Variants in C16orf74 observed in about 807,000 individuals in gnomAD.
C16orf74 encodes the protein calcimembrin.
Under a neutral mutation model 6.5 loss-of-function variants are expected in C16orf74, and 10 were observed. That is an observed-to-expected ratio of 1.54 (90% confidence interval 0.95 to 2.61). The LOEUF is 2.61. Ranked by LOEUF, C16orf74 falls within the 30% of genes most tolerant of loss-of-function variation. The pLI, the probability that C16orf74 is intolerant of heterozygous loss-of-function variation, is 0.00. For missense variants in C16orf74, 141 were observed against 105.9 expected, an observed-to-expected ratio of 1.33 and a Z score of -1.45; for synonymous variants, 60 against 42.5, an observed-to-expected ratio of 1.41 and a Z score of -1.60.
chr16:85,724,277 T>C (rs1173792713), intron 2 of C16orf74, among the ~76,000 whole-genome samples: 1 of 152,122 alleles, frequency 6.6e-6, no homozygotes, highest in African/African-American at 2.4e-5. Context: ...CATCCCTCTG[T>C]CTCCCTGGAG....
chr16:85,750,182 C>T (rs1274202034), intron 1 of C16orf74, among the ~76,000 whole-genome samples: 1 of 152,204 alleles, frequency 6.6e-6, no homozygotes, highest in Non-Finnish European at 1.5e-5. Context: ...TCGCAGCCTT[C>T]CCTTCCTCCC....
chr16:85,738,302 G>T (rs1453026880), intron 1 of C16orf74, among the ~76,000 whole-genome samples: 1 of 150,668 alleles, frequency 6.6e-6, no homozygotes, highest in Non-Finnish European at 1.5e-5. Context: ...GGGGCAATTG[G>T]TCTGGTGTGT....
At chr16:85,744,692 T>C (rs1171915363) in intron 1 of C16orf74, among the ~76,000 whole-genome samples, 2 of 151,702 alleles carry the variant, frequency 1.3e-5, no homozygotes, top group East Asian at 3.9e-4. Flanking sequence ...TAGTCAGGCA[T>C]GGTGGCAGGC....
intron 2 of C16orf74, among the ~76,000 whole-genome samples, chr16:85,730,730 G>C (rs139834051): frequency 3.1e-4 from 45 of 146,138 alleles, no homozygotes; most frequent in Middle Eastern, 3.7e-3. Context: ...CCCAAGACCA[G>C]CCAAGTAAAG....
At chr16:85,737,190 G>C (rs765310103) in intron 1 of C16orf74, among the ~76,000 whole-genome samples, 9 of 152,194 alleles carry the variant, frequency 5.9e-5, no homozygotes, top group Non-Finnish European at 1.3e-4. Flanking sequence ...GACAGAGAGG[G>C]AGGGAAAGGA....
chr16:85,720,818 C>A (rs547764168), intron 2 of C16orf74, among the ~76,000 whole-genome samples: 2 of 148,996 alleles, frequency 1.3e-5, no homozygotes, highest in Non-Finnish European at 3.0e-5. Flanking sequence ...CTGGGCGTGG[C>A]GGCTCATGCT....
At chr16:85,719,950 G>GC (rs148816095) in intron 2 of C16orf74, among the ~76,000 whole-genome samples, 3,798 of 151,400 alleles carry the variant, frequency 0.025, 183 homozygotes, top group African/African-American at 0.088. Flanking sequence ...GCTGAGCGGG[G>GC]TGACACTAAT....
intron 2 of C16orf74, among the ~76,000 whole-genome samples, chr16:85,726,239 G>A (rs929810692): frequency 2.0e-5 from 3 of 152,048 alleles, no homozygotes; most frequent in Non-Finnish European, 2.9e-5. Context: ...CCACATTTCC[G>A]TCTCTCCCCC....
chr16:85,740,888 C>A (rs2054299376), intron 1 of C16orf74, among the ~76,000 whole-genome samples: 1 of 149,316 alleles, frequency 6.7e-6, no homozygotes, highest in East Asian at 2.0e-4. Flanking sequence ...CAAGAGTCAT[C>A]ATTTCCGTAA....
chr16:85,730,931 G>C (rs1368628076), intron 2 of C16orf74, among the ~76,000 whole-genome samples: 1 of 150,272 alleles, frequency 6.7e-6, no homozygotes, highest in African/African-American at 2.5e-5. Flanking sequence ...CAGTGAACTG[G>C]ACCCCACTCA....
At chr16:85,715,259 C>T (rs1288769848) in intron 2 of C16orf74, among the ~76,000 whole-genome samples, 4 of 152,010 alleles carry the variant, frequency 2.6e-5, no homozygotes, top group Admixed American at 2.0e-4. Context: ...GGCGCCCCTA[C>T]CCCAAACAAC....
At chr16:85,724,443 C>T (rs890042076) in intron 2 of C16orf74, among the ~76,000 whole-genome samples, 8 of 152,150 alleles carry the variant, frequency 5.3e-5, no homozygotes, top group African/African-American at 1.4e-4. Context: ...GGATCCAGCT[C>T]GGCCATACTC....
chr16:85,723,374 C>T (rs2362465), intron 2 of C16orf74, among the ~76,000 whole-genome samples: 45,561 of 151,318 alleles, frequency 0.3, 8,220 homozygotes, highest in East Asian at 0.68. Flanking sequence ...TGAAGCCAGC[C>T]TGGGCAACAT....
intron 2 of C16orf74, among the ~76,000 whole-genome samples, chr16:85,713,589 A>G (rs1475523019): frequency 6.6e-6 from 1 of 152,162 alleles, no homozygotes. Context: ...TCCCCTTTTG[A>G]TAAGGACACC....
intron 2 of C16orf74, among the ~76,000 whole-genome samples, chr16:85,730,772 G>T (rs528189984): frequency 6.6e-6 from 1 of 150,432 alleles, no homozygotes; most frequent in African/African-American, 2.4e-5. Context: ...TCCCAGACCA[G>T]ACAACTTAAA....
At chr16:85,721,773 CCCCATGTGGT>C (rs1272770911) in intron 2 of C16orf74, among the ~76,000 whole-genome samples, 1 of 152,142 alleles carries the variant, frequency 6.6e-6, no homozygotes, top group Non-Finnish European at 1.5e-5. Flanking sequence ...CTTCCTCTGT[CCCCATGTGGT>C]CCCAGTGCCT....
chr16:85,721,560 G>A (rs545264245), intron 2 of C16orf74, among the ~76,000 whole-genome samples: 8 of 152,278 alleles, frequency 5.3e-5, no homozygotes, highest in African/African-American at 1.9e-4. Context: ...CTACTTGACA[G>A]TATTCCTTAT....
chr16:85,730,232 C>G (rs570310836), intron 2 of C16orf74, among the ~76,000 whole-genome samples: 1 of 152,168 alleles, frequency 6.6e-6, no homozygotes, highest in African/African-American at 2.4e-5. Context: ...TCAGCCCATG[C>G]CTCCCGTAAC....
intron 2 of C16orf74, among the ~76,000 whole-genome samples, chr16:85,729,501 C>T (rs945369172): frequency 3.3e-5 from 5 of 152,240 alleles, no homozygotes; most frequent in Admixed American, 6.5e-5. Flanking sequence ...AGGAGAAGCA[C>T]ATTCCTGCCC....
Sources: allele counts gnomAD v4.1 joint callset (sites outside exome capture counted in the v4.1 genomes callset), GRCh38; gene constraint gnomAD v4.1.1; transcripts MANE v1.5; gene names NCBI Gene and HGNC (gene_info 2026-07-23, HGNC 2026-07-21).